The following WTIP variants were observed in gnomAD, a reference collection of about 807,000 sequenced individuals.
The protein encoded by WTIP is WT1 interacting protein.
In WTIP, 23 loss-of-function variants were observed where a neutral mutation model predicts 41.7. That is an observed-to-expected ratio of 0.55 (90% CI 0.40 to 0.78). The LOEUF (loss-of-function observed/expected upper bound fraction) is 0.78, where lower values mean the gene tolerates loss of function less well. Among genes scored for constraint, WTIP ranks in the 30% least tolerant of loss-of-function variants. The pLI, the probability that WTIP is intolerant of heterozygous loss-of-function variation, is 0.00. For missense variants in WTIP, 619 were observed against 610.5 expected (o/e 1.01, Z -0.15); for synonymous variants, 314 against 269.9 (o/e 1.16, Z -1.60).
Position 34,503,324 on chromosome 19 carries a change from C to T in WTIP, c.*3055C>T, listed in dbSNP as rs1397427930. 9.0e-6 allele frequency: 1 copy of T among 111,456 alleles called. No individual in the cohort carries two copies. Among genetic ancestry groups the T allele is most frequent in the African/African-American group, 3.5e-5 (1 of 28,410 alleles). 6.9% of individuals were successfully genotyped at this position (111,456 alleles called of 1,614,324 possible). A position where few individuals can be genotyped will look rare whatever the true frequency, so the allele number is the denominator to read the frequency against. ...CGTGGGAGCCACTCTCCCGGGGTTT[C>T]TTCCTCTATGAAGAAACCTTGGCCT... On this transcript the variant is annotated 3_prime_UTR_variant, in exon 8 of 8. Coordinates refer to ENST00000590071, the MANE Select transcript of WTIP (RefSeq NM_001080436.2).
At position 34,482,156 on chromosome 19, in the gene WTIP, C is replaced by G. The variant is rs1025044770; in HGVS notation, c.182C>G (p.Ala61Gly). The stretch of plus-strand genomic sequence containing the variant: ...GGGAAGGGCAGCGGCGGCCCCGAGG[C>G]CGGGGCGGACGGACTGAGCCGCGGG... ...RRGKGSGGPE[A>G]GADGLSRGER... Residue 61 changes from alanine (A) to glycine (G), a missense_variant, in exon 1 of 8, where the codon GCC (alanine) becomes GGC (glycine). Ala to Gly is a moderately conservative substitution (Grantham distance 60). Transcript: ENST00000590071. 2.8e-6 allele frequency: 3 copies of G among 1,072,574 alleles called. No homozygotes were observed. The highest frequency in any genetic ancestry group is 5.3e-5 in the Admixed American group (1 of 18,724). The allele number at this position is 1,072,574 out of a possible 1,614,324, so 66.4% of individuals were successfully genotyped here. A position where few individuals can be genotyped will look rare whatever the true frequency, so the allele number is the denominator to read the frequency against.
intron 1 of WTIP, 158 bp downstream of exon 1, chr19:34,482,799 G>C: frequency 1.0e-6 from 1 of 984,134 alleles, no homozygotes; most frequent in Non-Finnish European, 1.2e-6. Context: ...CATCCCCTGG[G>C]GACTGGGGAG....
rs138746857 is a variant in WTIP, at chr19:34,487,966, T to C, written c.668-2410T>C. Among the ~76,000 whole-genome samples, 27 of 152,292 alleles carry C rather than the reference T, an allele frequency of 1.8e-4. No individual in the cohort carries two copies. The East Asian group carries it at 5.2e-3, about 29-fold the overall frequency. Reference sequence around the variant, plus strand: ...TGGCCCTGGCGTTGCTGGTCACCCCTCTCCTTTCCACCTTCCCCGCTGCAT... The same window carrying C: ...TGGCCCTGGCGTTGCTGGTCACCCCCCTCCTTTCCACCTTCCCCGCTGCAT... On this transcript the variant is annotated intron_variant, in intron 1 of 7. Transcript: ENST00000590071.
At position 34,495,693 on chromosome 19, in the gene WTIP, C is replaced by T. The variant is rs947063224; in HGVS notation, c.1084-10C>T. On this transcript the variant is annotated splice_polypyrimidine_tract_variant and intron_variant, in intron 6 of 7. Coordinates refer to ENST00000590071, the MANE Select transcript of WTIP (RefSeq NM_001080436.2). ...TGCTCATCGTGTGTGAACTCCTTCT[C>T]TTCCTCCAGGGCTGCGAGACAACCA... The T allele has an allele frequency of 1.2e-6, 2 of 1,613,720 alleles. No individual in the cohort carries two copies. The highest frequency in any genetic ancestry group is 1.7e-5 in the Admixed American group (1 of 60,004).
intron 6 of WTIP, among the ~76,000 whole-genome samples, chr19:34,495,253 T>C (rs2145605229): frequency 6.6e-6 from 1 of 152,162 alleles, no homozygotes; most frequent in East Asian, 1.9e-4. Flanking sequence ...AAAAATTAGC[T>C]GGGTGTGGTT....
rs2075886861 is a variant in WTIP, at chr19:34,501,549, C to CT, written c.*1282dup. 1 of 152,506 alleles carries CT rather than the reference C, an allele frequency of 6.6e-6. No individual in the cohort carries two copies. The highest frequency in any genetic ancestry group is 6.5e-5 in the Admixed American group (1 of 15,290). 9.4% of individuals were successfully genotyped at this position (152,506 alleles called of 1,614,324 possible). A position where few individuals can be genotyped will look rare whatever the true frequency, so the allele number is the denominator to read the frequency against. On this transcript the variant is annotated 3_prime_UTR_variant, in exon 8 of 8. Transcript: ENST00000590071. ...CCCCTGGGAGAGCCTGGACCCACCT[C>CT]TTGGCTGCTGCTCTCCCCTTCCTCC...
chr19:34,496,848 G>T (rs1227133937), intron 7 of WTIP, among the ~76,000 whole-genome samples: 1 of 151,624 alleles, frequency 6.6e-6, no homozygotes, highest in Non-Finnish European at 1.5e-5. Flanking sequence ...TCACTGGCGT[G>T]TGGCGCTCTC....
At chr19:34,485,692 T>A (rs577017332) in intron 1 of WTIP, among the ~76,000 whole-genome samples, 1 of 152,152 alleles carries the variant, frequency 6.6e-6, no homozygotes, top group African/African-American at 2.4e-5. Context: ...CTCCTGGGCT[T>A]AAGCAATCCT....
chr19:34,499,603 CTT>C (rs1406534452), intron 7 of WTIP, among the ~76,000 whole-genome samples: 2 of 152,156 alleles, frequency 1.3e-5, no homozygotes, highest in African/African-American at 2.4e-5. Flanking sequence ...CGCAGTCTGA[CTT>C]ATATCCAGTG....
intron 1 of WTIP, among the ~76,000 whole-genome samples, chr19:34,484,279 A>G (rs2075786359): frequency 6.6e-6 from 1 of 152,116 alleles, no homozygotes; most frequent in Non-Finnish European, 1.5e-5. Flanking sequence ...AGGTGGGGGC[A>G]TTCCAGAGAG....
Position 34,505,251 on chromosome 19 carries a change from G to A in WTIP, c.*4982G>A, listed in dbSNP as rs978157529. The stretch of plus-strand genomic sequence containing the variant: ...GCCCTTGCCAGGTTCCTAGTCCCTG[G>A]CCGGATACCCCAGGGTGGCCTGGGA... On this transcript the variant is annotated 3_prime_UTR_variant, in exon 8 of 8. Coordinates refer to ENST00000590071, the MANE Select transcript of WTIP (RefSeq NM_001080436.2). 2.6e-5 allele frequency: 4 copies of A among 152,192 alleles called. No homozygotes were observed. Among genetic ancestry groups the A allele is most frequent in the African/African-American group, 9.7e-5 (4 of 41,402 alleles). 9.4% of individuals were successfully genotyped at this position (152,192 alleles called of 1,614,324 possible). A position where few individuals can be genotyped will look rare whatever the true frequency, so the allele number is the denominator to read the frequency against.
In WTIP at chr19:34,507,643, GGGACA is replaced by G. The variant is rs1176393327; in HGVS notation, c.*7376_*7380del. The G allele has an allele frequency of 6.6e-6, 1 of 152,286 alleles. No individual in the cohort carries two copies. The highest frequency in any genetic ancestry group is 1.5e-5 in the Non-Finnish European group (1 of 68,106). The allele number at this position is 152,286 out of a possible 1,614,324, so 9.4% of individuals were successfully genotyped here. A position where few individuals can be genotyped will look rare whatever the true frequency, so the allele number is the denominator to read the frequency against. ...GACCTGGAGGGGAGCCCTGATGTCT[GGGACA>G]GTGCTTGTCAGTGGATGGGCTTTTG... On this transcript the variant is annotated 3_prime_UTR_variant, in exon 8 of 8. Coordinates refer to ENST00000590071, the MANE Select transcript of WTIP (RefSeq NM_001080436.2).
At chr19:34,496,206 C>T (rs192484879) in intron 7 of WTIP, among the ~76,000 whole-genome samples, 2 of 152,324 alleles carry the variant, frequency 1.3e-5, no homozygotes, top group Admixed American at 1.3e-4. Flanking sequence ...CAAGATCTCA[C>T]TCTTGCTCAG....
At chr19:34,483,330 T>A (rs2075780760) in intron 1 of WTIP, among the ~76,000 whole-genome samples, 1 of 152,060 alleles carries the variant, frequency 6.6e-6, no homozygotes, top group Non-Finnish European at 1.5e-5. Context: ...GGCCTGATCT[T>A]TTCTTCTTTG....
chr19:34,500,111 G>T lies in WTIP; in HGVS notation c.1153-18G>T. ...CTTGTCTGCTGACTCTGGGGCTGGG[G>T]GCTGTGTTCTTCCCTAGGACTGCGG... On this transcript the variant is annotated intron_variant, in intron 7 of 7. Transcript: ENST00000590071. 1.9e-6 allele frequency: 3 copies of T among 1,598,206 alleles called. No homozygotes were observed. Among genetic ancestry groups the T allele is most frequent in the Non-Finnish European group, 2.5e-6 (3 of 1,179,200 alleles).
At chr19:34,485,033 G>A (rs1015684270) in intron 1 of WTIP, among the ~76,000 whole-genome samples, 3 of 150,724 alleles carry the variant, frequency 2.0e-5, no homozygotes, top group African/African-American at 7.3e-5. Flanking sequence ...TTGTTTTCAA[G>A]AAAAACTAGA....
intron 7 of WTIP, among the ~76,000 whole-genome samples, chr19:34,499,363 C>T (rs533706580): frequency 1.4e-4 from 21 of 151,858 alleles, no homozygotes; most frequent in African/African-American, 4.3e-4. Context: ...ACAAAATTCA[C>T]AGGGCGTGGC....
At chr19:34,497,072 G>A (rs919061362) in intron 7 of WTIP, among the ~76,000 whole-genome samples, 2 of 151,884 alleles carry the variant, frequency 1.3e-5, no homozygotes, top group African/African-American at 2.4e-5. Flanking sequence ...CATGTTGGCT[G>A]GGCTGGTCTC....
At chr19:34,492,984 C>G (rs2075833218) in intron 2 of WTIP, 53 bp from the exon 3 acceptor site, 1 of 1,594,170 alleles carries the variant, frequency 6.3e-7, no homozygotes, top group South Asian at 1.1e-5. Flanking sequence ...AAGCACGGCT[C>G]CATCCCTGGT....
Sources: allele counts gnomAD v4.1 joint callset (sites outside exome capture counted in the v4.1 genomes callset), GRCh38; gene constraint gnomAD v4.1.1; transcripts MANE v1.5; gene names NCBI Gene and HGNC (gene_info 2026-07-23, HGNC 2026-07-21).